MBTPS1: variants seen among roughly 807,000 people sequenced by gnomAD.
MBTPS1 encodes membrane-bound transcription factor site-1 protease.
In MBTPS1, 94 loss-of-function variants were observed where a neutral mutation model predicts 127.8. The ratio of observed to expected loss-of-function variants is 0.74; its 90% confidence interval spans 0.62 to 0.87. MBTPS1 has a LOEUF of 0.87. Ranked by LOEUF, MBTPS1 falls within the 40% of genes least tolerant of loss-of-function variation. The pLI is 0.00. For synonymous variants in MBTPS1, 632 were observed against 509.4 expected (o/e 1.24, Z -3.24); for missense variants, 1,636 against 1,353.2 (o/e 1.21, Z -3.28).
chr16:84,115,134 G>A (rs976827161), intron 1 of MBTPS1, among the ~76,000 whole-genome samples: 1 of 152,050 alleles, frequency 6.6e-6, no homozygotes, highest in Non-Finnish European at 1.5e-5. Flanking sequence ...TCACCACGTT[G>A]GCCAGGCTGG....
At chr16:84,088,850 G>A (rs2151160964) in intron 8 of MBTPS1, among the ~76,000 whole-genome samples, 1 of 152,336 alleles carries the variant, frequency 6.6e-6, no homozygotes, top group South Asian at 2.1e-4. Flanking sequence ...GGGCTGCCGT[G>A]ATCACATGCC....
chr16:84,108,275 C>A (rs2086352361), intron 1 of MBTPS1, among the ~76,000 whole-genome samples: 1 of 151,766 alleles, frequency 6.6e-6, no homozygotes, highest in African/African-American at 2.4e-5. Flanking sequence ...GCACTGTTTT[C>A]TTCTTTTTAG....
At chr16:84,076,892 A>G (rs2085861569) in intron 11 of MBTPS1, among the ~76,000 whole-genome samples, 1 of 152,244 alleles carries the variant, frequency 6.6e-6, no homozygotes, top group Non-Finnish European at 1.5e-5. Flanking sequence ...ATTAAGTAAG[A>G]TGATATGAAA....
chr16:84,099,498 A>T (rs1313189272), intron 2 of MBTPS1, among the ~76,000 whole-genome samples, 188 bp from the exon 3 acceptor site: 15 of 152,228 alleles, frequency 9.9e-5, no homozygotes. Context: ...AAAATGATCT[A>T]TATGGGGCTG....
chr16:84,110,305 T>C (rs1166648719), intron 1 of MBTPS1, among the ~76,000 whole-genome samples: 1 of 152,252 alleles, frequency 6.6e-6, no homozygotes, highest in Non-Finnish European at 1.5e-5. Context: ...AAAGGATTCA[T>C]GGTAAATTTC....
chr16:84,088,601 T>A (rs2136665), intron 8 of MBTPS1, among the ~76,000 whole-genome samples: 10,150 of 152,116 alleles, frequency 0.067, 395 homozygotes, highest in South Asian at 0.17. Context: ...AGGGAACGCA[T>A]CAAGAAATCA....
chr16:84,074,942 C>T (rs946138385), intron 11 of MBTPS1: 1 of 449,176 alleles, frequency 2.2e-6, no homozygotes, highest in Non-Finnish European at 4.0e-6. Flanking sequence ...GCTGTCTATA[C>T]AGACAGTGTG....
At chr16:84,064,222 G>C (rs994809164) in intron 18 of MBTPS1, among the ~76,000 whole-genome samples, 1 of 151,754 alleles carries the variant, frequency 6.6e-6, no homozygotes. Flanking sequence ...GATAACATCT[G>C]AAATGTCTGT....
intron 6 of MBTPS1, among the ~76,000 whole-genome samples, chr16:84,092,316 T>G (rs563902393): frequency 3.9e-4 from 60 of 152,390 alleles, no homozygotes; most frequent in African/African-American, 1.2e-3. Flanking sequence ...CTTCTGATGT[T>G]CAAGTGCTCC....
At chr16:84,062,776 G>T (rs978059608) in intron 19 of MBTPS1, among the ~76,000 whole-genome samples, 8 of 152,174 alleles carry the variant, frequency 5.3e-5, no homozygotes, top group Non-Finnish European at 1.0e-4. Flanking sequence ...GAGGGAAGAG[G>T]ACTGGCATGC....
chr16:84,070,487 A>G, intron 13 of MBTPS1, 101 bp downstream of exon 13: 1 of 1,199,282 alleles, frequency 8.3e-7, no homozygotes, highest in Non-Finnish European at 1.2e-6. Flanking sequence ...CCTATCTGTC[A>G]ACTGTACTTC....
At chr16:84,096,120 T>G (rs1481632155) in intron 3 of MBTPS1, among the ~76,000 whole-genome samples, 1 of 152,180 alleles carries the variant, frequency 6.6e-6, no homozygotes, top group Admixed American at 6.5e-5. Context: ...AAGAAAAACC[T>G]GATTTTCATC....
At chr16:84,055,052 G>A (rs2085501370) in intron 22 of MBTPS1, among the ~76,000 whole-genome samples, 1 of 152,228 alleles carries the variant, frequency 6.6e-6, no homozygotes, top group Non-Finnish European at 1.5e-5. Flanking sequence ...CTGAGTGGGA[G>A]GAGGAGAAAG....
chr16:84,080,297 A>AGGAAAAAGAAAATC (rs1460370722), intron 11 of MBTPS1, among the ~76,000 whole-genome samples: 1 of 152,260 alleles, frequency 6.6e-6, no homozygotes, highest in African/African-American at 2.4e-5. Context: ...AATGGAATGA[A>AGGAAAAAGAAAATC]GGAAAAAGAA....
rs2085742934 is a variant in MBTPS1 at position 84,069,772 on chromosome 16, G to C, written c.1955+94C>G. ...CATCAGAGTCCAGGCTCCACGAGAA[G>C]CTGAGCAACATCTTTCCAAGAGTTG... On this transcript the variant is annotated intron_variant, in intron 14 of 22. Coordinates refer to ENST00000343411, the MANE Select transcript of MBTPS1 (RefSeq NM_003791.4). 5.0e-6 allele frequency: 6 copies of C among 1,205,772 alleles called. No individual in the cohort carries two copies. In the Admixed American group the frequency reaches 1.1e-4, roughly 23 times the overall value. 74.7% of individuals were successfully genotyped at this position (1,205,772 alleles called of 1,614,324 possible).
chr16:84,066,478 CA>C lies in MBTPS1; in HGVS notation c.2353+10del, dbSNP rs775708369. 1.3e-4 allele frequency: 206 copies of C among 1,613,560 alleles called. 2 individuals carry two copies. Among genetic ancestry groups the C allele is most frequent in the Admixed American group, 4.5e-4 (27 of 59,962 alleles). Reference sequence around the variant, plus strand: ...CACCTAAGACCACGCCCTCAGGAAACAGAGCCTTACTGTCATGGTTGGCCAG... The same window carrying C: ...CACCTAAGACCACGCCCTCAGGAAACGAGCCTTACTGTCATGGTTGGCCAG... On this transcript the variant is annotated intron_variant, in intron 17 of 22. Transcript: ENST00000343411.
chr16:84,090,562 G>A (rs1465299653), intron 8 of MBTPS1, among the ~76,000 whole-genome samples: 1 of 152,148 alleles, frequency 6.6e-6, no homozygotes, highest in East Asian at 1.9e-4. Context: ...TCACTTTTCT[G>A]ATTGATTTTT....
intron 4 of MBTPS1, among the ~76,000 whole-genome samples, 174 bp downstream of exon 4, chr16:84,095,428 G>C (rs920185926): frequency 6.6e-5 from 10 of 152,234 alleles, no homozygotes; most frequent in African/African-American, 2.4e-4. Flanking sequence ...GGAGTACTTG[G>C]CTACCTCCAG....
intron 12 of MBTPS1, among the ~76,000 whole-genome samples, chr16:84,071,204 G>C (rs745992624): frequency 6.6e-6 from 1 of 152,182 alleles, no homozygotes; most frequent in African/African-American, 2.4e-5. Flanking sequence ...CAGCTGTCCC[G>C]AGTCACATTC....
Sources: gnomAD v4.1 joint callset for allele counts (sites outside exome capture counted in the v4.1 genomes callset) on GRCh38, gnomAD v4.1.1 for gene constraint, MANE v1.5 for transcripts, NCBI Gene and HGNC (gene_info 2026-07-23, HGNC 2026-07-21) for gene names.